STXBP5L: variants seen among roughly 807,000 people sequenced by gnomAD.
STXBP5L encodes the protein syntaxin binding protein 5L.
A neutral mutation model predicts 144.5 loss-of-function variants in STXBP5L; 65 were observed. The observed-to-expected ratio is 0.45, with a 90% CI of 0.37 to 0.55. The LOEUF is 0.55. STXBP5L is among the 20% of genes least tolerant of loss of function. STXBP5L has a pLI of 0.00. For missense variants in STXBP5L, 1,298 were observed against 1,405.5 expected, an observed-to-expected ratio of 0.92 and a Z score of 1.22; for synonymous variants, 505 against 469.6, an observed-to-expected ratio of 1.08 and a Z score of -0.97.
chr3:121,315,413 C>T (rs2043747874), intron 19 of STXBP5L, among the ~76,000 whole-genome samples: 2 of 144,612 alleles, frequency 1.4e-5, no homozygotes, highest in African/African-American at 2.6e-5. Flanking sequence ...CATATTCTCA[C>T]TCATAGGTGG....
intron 19 of STXBP5L, among the ~76,000 whole-genome samples, chr3:121,287,351 C>A (rs781219638): frequency 6.6e-6 from 1 of 151,970 alleles, no homozygotes; most frequent in Non-Finnish European, 1.5e-5. Flanking sequence ...TGAAATCTGC[C>A]AAAAACAGCT....
Position 121,106,974 on chromosome 3 carries a change from T to A in STXBP5L, c.471-7951T>A, listed in dbSNP as rs537024004. Among the ~76,000 whole-genome samples the A allele has an allele frequency of 7.2e-5, 11 of 152,344 alleles. No individual in the cohort carries two copies. The East Asian group carries it at 1.7e-3, about 24-fold the overall frequency. On this transcript the variant is annotated intron_variant, in intron 5 of 26. Coordinates refer to ENST00000471454, the MANE Select transcript of STXBP5L (RefSeq NM_001308330.2). ...GATGGTATTACATTGTGGTTTTGAT[T>A]TGCATTTCTGTAATGATCAGTGATA... is the stretch of plus-strand genomic sequence containing the variant.
At chr3:121,106,484 G>A (rs924063083) in intron 5 of STXBP5L, among the ~76,000 whole-genome samples, 1 of 152,164 alleles carries the variant, frequency 6.6e-6, no homozygotes, top group Non-Finnish European at 1.5e-5. Flanking sequence ...TAATAAGTGA[G>A]AACATGCGGT....
intron 9 of STXBP5L, among the ~76,000 whole-genome samples, chr3:121,163,377 A>G (rs1274406453): frequency 6.6e-6 from 1 of 152,024 alleles, no homozygotes; most frequent in Non-Finnish European, 1.5e-5. Context: ...AGCAGTGAGA[A>G]CACATGGACA....
At chr3:121,094,818 A>T (rs1046194100) in intron 5 of STXBP5L, among the ~76,000 whole-genome samples, 1 of 151,822 alleles carries the variant, frequency 6.6e-6, no homozygotes, top group Non-Finnish European at 1.5e-5. Flanking sequence ...TTTCATTATG[A>T]TGTTAGGTGG....
chr3:121,026,890 A>T (rs1945988542), intron 3 of STXBP5L, among the ~76,000 whole-genome samples: 1 of 151,758 alleles, frequency 6.6e-6, no homozygotes, highest in Non-Finnish European at 1.5e-5. Flanking sequence ...TTGCACTACA[A>T]AAAGAGGTTA....
intron 4 of STXBP5L, among the ~76,000 whole-genome samples, chr3:121,044,840 T>C (rs1445118138): frequency 3.9e-5 from 6 of 152,170 alleles, no homozygotes; most frequent in Non-Finnish European, 1.5e-5. Context: ...GGAATCTTAG[T>C]ATAATTTTAT....
intron 15 of STXBP5L, among the ~76,000 whole-genome samples, chr3:121,254,407 A>G (rs920479406): frequency 3.3e-5 from 5 of 152,218 alleles, no homozygotes; most frequent in Admixed American, 2.0e-4. Flanking sequence ...CTGGTAAATT[A>G]CAATGTTTCT....
At chr3:121,179,730 A>G (rs1266410932) in intron 9 of STXBP5L, among the ~76,000 whole-genome samples, 1 of 152,192 alleles carries the variant, frequency 6.6e-6, no homozygotes, top group Non-Finnish European at 1.5e-5. Context: ...AATAGATATC[A>G]TAAAGAAAAA....
intron 20 of STXBP5L, among the ~76,000 whole-genome samples, chr3:121,327,117 A>G (rs1276847399): frequency 1.3e-5 from 2 of 152,168 alleles, no homozygotes; most frequent in Non-Finnish European, 2.9e-5. Context: ...CCTTATGATG[A>G]ACCAGGCTGC....
chr3:120,980,411 G>T (rs563363902), intron 3 of STXBP5L, among the ~76,000 whole-genome samples: 27 of 147,856 alleles, frequency 1.8e-4, no homozygotes, highest in African/African-American at 6.2e-4. Flanking sequence ...ATATAGAATT[G>T]TTATATTTTC....
At chr3:121,082,553 T>C (rs1029069989) in intron 5 of STXBP5L, among the ~76,000 whole-genome samples, 1 of 152,208 alleles carries the variant, frequency 6.6e-6, no homozygotes, top group Non-Finnish European at 1.5e-5. Context: ...CAATGCTTGG[T>C]TAAATACTCT....
chr3:121,084,631 A>T (rs978149745), intron 5 of STXBP5L, among the ~76,000 whole-genome samples: 1 of 152,100 alleles, frequency 6.6e-6, no homozygotes, highest in African/African-American at 2.4e-5. Flanking sequence ...GGTTGATTCC[A>T]TGTCTTTACT....
intron 23 of STXBP5L, among the ~76,000 whole-genome samples, chr3:121,412,865 C>T (rs2047150094): frequency 6.6e-6 from 1 of 151,638 alleles, no homozygotes; most frequent in African/African-American, 2.4e-5. Flanking sequence ...AAAACCCTGT[C>T]TCTACTAAAA....
chr3:121,056,619 T>C (rs1948477591), intron 5 of STXBP5L, among the ~76,000 whole-genome samples: 1 of 152,172 alleles, frequency 6.6e-6, no homozygotes, highest in African/African-American at 2.4e-5. Context: ...AAGTGTTGCA[T>C]AACTAATATA....
At chr3:121,163,730 A>T (rs910573644) in intron 9 of STXBP5L, among the ~76,000 whole-genome samples, 4 of 152,118 alleles carry the variant, frequency 2.6e-5, no homozygotes, top group African/African-American at 9.7e-5. Context: ...GATGCCCTGA[A>T]TGATTCTTAC....
chr3:121,000,037 A>C (rs897904100), intron 3 of STXBP5L, among the ~76,000 whole-genome samples: 1 of 151,992 alleles, frequency 6.6e-6, no homozygotes, highest in Non-Finnish European at 1.5e-5. Flanking sequence ...AGCTGTCTTT[A>C]ATATTTTGTC....
At chr3:121,170,641 G>T (rs539260939) in intron 9 of STXBP5L, among the ~76,000 whole-genome samples, 3 of 152,138 alleles carry the variant, frequency 2.0e-5, no homozygotes, top group African/African-American at 7.2e-5. Flanking sequence ...GACTAAACCA[G>T]GGAGAAGTCC....
Position 121,381,309 on chromosome 3 carries a change from C to A in STXBP5L, c.2364C>A (p.Ser788=). The A allele has an allele frequency of 1.3e-6, 2 of 1,579,660 alleles. No homozygotes were observed. The highest frequency in any genetic ancestry group is 1.2e-5 in the South Asian group (1 of 83,816). Residue 788 remains serine (S), a synonymous_variant, in exon 22 of 27, where the codon TCC becomes TCA. Coordinates refer to ENST00000471454, the MANE Select transcript of STXBP5L (RefSeq NM_001308330.2). ...TTTCCATAGAAAACCGAGAAAATTCCTATAATCGTTCTAGAAGCTCTAGTA... is the reference window on the plus strand; with the variant it reads ...TTTCCATAGAAAACCGAGAAAATTCATATAATCGTTCTAGAAGCTCTAGTA... The part of the protein sequence containing the change: ...PVTTEENREN[S]YNRSRSSSIS...
Sources: gnomAD v4.1 joint callset for allele counts (sites outside exome capture counted in the v4.1 genomes callset) on GRCh38, gnomAD v4.1.1 for gene constraint, MANE v1.5 for transcripts, NCBI Gene and HGNC (gene_info 2026-07-23, HGNC 2026-07-21) for gene names.